The following UNC13C variants were observed in gnomAD, a reference collection of about 807,000 sequenced individuals.
The protein encoded by UNC13C is unc-13 homolog C, also known as protein unc-13 homolog C.
Under a neutral mutation model 245.4 loss-of-function variants are expected in UNC13C, and 174 were observed. That is an observed-to-expected ratio of 0.71 (90% confidence interval 0.63 to 0.80). The LOEUF (loss-of-function observed/expected upper bound fraction) is 0.80, where lower values mean the gene tolerates loss of function less well. Ranked by LOEUF, UNC13C falls within the 30% of genes least tolerant of loss-of-function variation. The probability of loss-of-function intolerance (pLI) is 0.00; values close to 1 mark genes in which losing one functional copy is unlikely to be tolerated. For missense variants in UNC13C, 2,829 were observed against 2,602.9 expected, an observed-to-expected ratio of 1.09 and a Z score of -1.89; for synonymous variants, 992 against 895.1, an observed-to-expected ratio of 1.11 and a Z score of -1.93.
chr15:54,495,376 T>C (rs1893904030), intron 20 of UNC13C, among the ~76,000 whole-genome samples: 1 of 152,076 alleles, frequency 6.6e-6, no homozygotes, highest in African/African-American at 2.4e-5. Flanking sequence ...AATATCATTA[T>C]AAAGCAAGGC....
At chr15:54,062,942 A>G (rs1393174147) in intron 2 of UNC13C, among the ~76,000 whole-genome samples, 2 of 152,204 alleles carry the variant, frequency 1.3e-5, no homozygotes, top group Non-Finnish European at 2.9e-5. Context: ...AGTTGTAATT[A>G]CGAATGCTCA....
At chr15:54,072,741 G>A (rs1206474795) in intron 2 of UNC13C, among the ~76,000 whole-genome samples, 2 of 152,192 alleles carry the variant, frequency 1.3e-5, no homozygotes, top group East Asian at 3.9e-4. Flanking sequence ...ACACACTTTT[G>A]AGTCCTCATA....
chr15:54,229,187 C>T (rs2035480033), intron 4 of UNC13C, among the ~76,000 whole-genome samples: 2 of 152,218 alleles, frequency 1.3e-5, no homozygotes, highest in South Asian at 2.1e-4. Flanking sequence ...CTCCCTCAAG[C>T]ACTCAGATTC....
At chr15:54,421,129 TC>T (rs1364047982) in intron 19 of UNC13C, among the ~76,000 whole-genome samples, 2 of 151,996 alleles carry the variant, frequency 1.3e-5, no homozygotes, top group Admixed American at 1.3e-4. Flanking sequence ...ACTATCATTA[TC>T]CCCCTTTTAG....
At chr15:53,916,721 A>G in the UNC13C span, among the ~76,000 whole-genome samples, 1 of 152,240 alleles carries the variant, frequency 6.6e-6, no homozygotes, top group Admixed American at 6.5e-5. Flanking sequence ...TGTGCATTTT[A>G]AATGTTTCAA....
chr15:54,200,802 A>G (rs915634742), intron 4 of UNC13C, among the ~76,000 whole-genome samples: 7 of 152,062 alleles, frequency 4.6e-5, no homozygotes, highest in African/African-American at 1.7e-4. Flanking sequence ...CCAGCAGAAG[A>G]AAATACATAA....
In UNC13C at chr15:54,210,456, G is replaced by A. The variant is rs1048856804; in HGVS notation, c.3072-24574G>A. ...TGCTATGTCAAAATTACTTCATGAT[G>A]AGAGATTCAAGCATTTATTATAAAA... On this transcript the variant is annotated intron_variant, in intron 4 of 32. Coordinates refer to ENST00000260323, the MANE Select transcript of UNC13C (RefSeq NM_001080534.3). Among the ~76,000 whole-genome samples the A allele has an allele frequency of 4.6e-5, 7 of 151,956 alleles. No individual in the cohort carries two copies. In the South Asian group the frequency reaches 1.5e-3, roughly 32 times the overall value.
the UNC13C span, among the ~76,000 whole-genome samples, chr15:53,848,865 T>A: frequency 6.6e-6 from 1 of 152,086 alleles, no homozygotes; most frequent in Non-Finnish European, 1.5e-5. Context: ...TCTTGATGAA[T>A]TGACCTCACT....
intron 2 of UNC13C, among the ~76,000 whole-genome samples, chr15:54,054,962 T>A (rs948002106): frequency 4.6e-5 from 7 of 152,184 alleles, no homozygotes; most frequent in African/African-American, 1.7e-4. Flanking sequence ...AACATCTGAA[T>A]CAACTGTGGC....
At chr15:54,218,098 AC>A (rs1192843679) in intron 4 of UNC13C, among the ~76,000 whole-genome samples, 5 of 151,954 alleles carry the variant, frequency 3.3e-5, no homozygotes, top group Non-Finnish European at 7.4e-5. Flanking sequence ...CTGTGAACAA[AC>A]AAAATGCAGT....
At chr15:54,316,134 T>A (rs370714267) in intron 13 of UNC13C, among the ~76,000 whole-genome samples, 1 of 151,954 alleles carries the variant, frequency 6.6e-6, no homozygotes. Context: ...ATATTTACTC[T>A]AAGATTTTGA....
intron 2 of UNC13C, among the ~76,000 whole-genome samples, chr15:54,053,799 T>C (rs1037387673): frequency 1.8e-4 from 27 of 152,142 alleles, no homozygotes; most frequent in African/African-American, 6.3e-4. Context: ...CCAACTACCC[T>C]TCCTAGCTTC....
rs539957617 is a variant in UNC13C, at chr15:54,152,505, A to G, written c.3071+8821A>G. Among the ~76,000 whole-genome samples, 7 of 152,280 alleles carry G rather than the reference A, an allele frequency of 4.6e-5. No homozygotes were observed. In the East Asian group the frequency reaches 1.2e-3, roughly 25 times the overall value. ...CTTAAATTTATGAGGAAATTAATGA[A>G]TCTTAGCTACATCAGAGTCAAGCTT... On this transcript the variant is annotated intron_variant, in intron 4 of 32. Transcript: ENST00000260323.
intron 4 of UNC13C, among the ~76,000 whole-genome samples, chr15:54,146,468 C>T (rs1466484259): frequency 2.0e-5 from 3 of 152,172 alleles, no homozygotes; most frequent in African/African-American, 7.2e-5. Context: ...CTGATTTCTG[C>T]TTAGCTCTCT....
chr15:53,864,486 C>G, the UNC13C span, among the ~76,000 whole-genome samples: 3 of 152,168 alleles, frequency 2.0e-5, no homozygotes, highest in African/African-American at 7.2e-5. Flanking sequence ...ATAGCGCAGA[C>G]TTATTGCATG....
intron 17 of UNC13C, among the ~76,000 whole-genome samples, chr15:54,349,977 G>C (rs1411555448): frequency 2.0e-5 from 3 of 152,012 alleles, no homozygotes; most frequent in Non-Finnish European, 4.4e-5. Flanking sequence ...TTGTATATTA[G>C]CACAATAATA....
intron 19 of UNC13C, among the ~76,000 whole-genome samples, chr15:54,436,941 C>T (rs1283491938): frequency 3.9e-5 from 6 of 151,932 alleles, no homozygotes; most frequent in East Asian, 1.9e-4. Flanking sequence ...GCAAAAAGTA[C>T]GTAACAAAAT....
intron 13 of UNC13C, among the ~76,000 whole-genome samples, chr15:54,302,923 C>T (rs2037625188): frequency 6.6e-6 from 1 of 151,850 alleles, no homozygotes; most frequent in Non-Finnish European, 1.5e-5. Flanking sequence ...AATCATAATT[C>T]TAGAACAACA....
At position 54,414,223 on chromosome 15, in the gene UNC13C, G is replaced by GA. The variant is rs2040472747; in HGVS notation, c.4848-753dup. Among the ~76,000 whole-genome samples, 8 of 152,218 alleles carry GA rather than the reference G, an allele frequency of 5.3e-5. 1 individual carries two copies. The South Asian group carries it at 1.7e-3, about 32-fold the overall frequency. Reference sequence around the variant, plus strand: ...ATTCACATGAAGATAATAGATAATAGAAAAAATAGAAGTACTTAATTGTGC... The same window carrying GA: ...ATTCACATGAAGATAATAGATAATAGAAAAAAATAGAAGTACTTAATTGTGC... On this transcript the variant is annotated intron_variant, in intron 18 of 32. Coordinates refer to ENST00000260323, the MANE Select transcript of UNC13C (RefSeq NM_001080534.3).
Sources: allele counts gnomAD v4.1 joint callset (sites outside exome capture counted in the v4.1 genomes callset), GRCh38; gene constraint gnomAD v4.1.1; transcripts MANE v1.5; gene names NCBI Gene and HGNC (gene_info 2026-07-23, HGNC 2026-07-21).